Variants in NALCN observed in about 807,000 individuals in gnomAD.
NALCN encodes the protein sodium leak channel NALCN.
NALCN carries 111 observed loss-of-function variants against 225.3 expected under a neutral mutation model. That is an observed-to-expected ratio of 0.49 (90% CI 0.42 to 0.58). The LOEUF is 0.58. Among genes scored for constraint, NALCN ranks in the 20% least tolerant of loss-of-function variants. The pLI is 0.00. For synonymous variants in NALCN, 764 were observed against 769.0 expected (o/e 0.99, Z 0.11); for missense variants, 1,378 against 2,202.4 (o/e 0.63, Z 7.49).
At chr13:101,372,252 A>T (rs2046561255) in intron 6 of NALCN, among the ~76,000 whole-genome samples, 1 of 152,168 alleles carries the variant, frequency 6.6e-6, no homozygotes, top group South Asian at 2.1e-4. Context: ...ATGTCTAGAA[A>T]ATTGAATAGT....
intron 10 of NALCN, among the ~76,000 whole-genome samples, chr13:101,274,949 T>C (rs2042923054): frequency 6.6e-6 from 1 of 152,024 alleles, no homozygotes; most frequent in African/African-American, 2.4e-5. Context: ...GGTGGTTGAG[T>C]AGTGGTTCCA....
At chr13:101,404,978 A>G (rs1355367543) in intron 1 of NALCN, among the ~76,000 whole-genome samples, 2 of 152,232 alleles carry the variant, frequency 1.3e-5, no homozygotes, top group Non-Finnish European at 2.9e-5. Flanking sequence ...TATTTTGAAG[A>G]CACATGTATT....
intron 7 of NALCN, among the ~76,000 whole-genome samples, chr13:101,341,971 C>A (rs562321300): frequency 6.6e-6 from 1 of 152,308 alleles, no homozygotes; most frequent in African/African-American, 2.4e-5. Flanking sequence ...TTCTATGAAC[C>A]AGGAAGTGAG....
chr13:101,214,504 T>G (rs1480702383), intron 13 of NALCN, among the ~76,000 whole-genome samples: 1 of 151,972 alleles, frequency 6.6e-6, no homozygotes, highest in East Asian at 1.9e-4. Flanking sequence ...TCTCAAAAAT[T>G]TATTAGTGAA....
At chr13:101,297,270 A>G (rs2043791442) in intron 7 of NALCN, among the ~76,000 whole-genome samples, 1 of 152,212 alleles carries the variant, frequency 6.6e-6, no homozygotes, top group Admixed American at 6.5e-5. Flanking sequence ...TACTATTCTA[A>G]CAATGGTAAT....
At chr13:101,067,152 A>C (rs571063411) in intron 39 of NALCN, among the ~76,000 whole-genome samples, 1 of 149,924 alleles carries the variant, frequency 6.7e-6, no homozygotes. Flanking sequence ...GGAAGAGAGA[A>C]GAGGAGAGGG....
At position 101,227,481 on chromosome 13, in the gene NALCN, G is replaced by A. The variant is rs750684909; in HGVS notation, c.1626+1912C>T. Among the ~76,000 whole-genome samples the A allele has an allele frequency of 3.9e-5, 6 of 152,240 alleles. No homozygotes were observed. In the South Asian group the frequency reaches 6.2e-4, roughly 16 times the overall value. Reference sequence around the variant, plus strand: ...AACATCTGAGTCCCCATCTCCTCCCGTGGAACACTGGCTATACACAGGGAA... The same window carrying A: ...AACATCTGAGTCCCCATCTCCTCCCATGGAACACTGGCTATACACAGGGAA... On this transcript the variant is annotated intron_variant, in intron 13 of 43. Coordinates refer to ENST00000251127, the MANE Select transcript of NALCN (RefSeq NM_052867.4).
At chr13:101,374,387 T>C (rs996108554) in intron 6 of NALCN, among the ~76,000 whole-genome samples, 3 of 151,518 alleles carry the variant, frequency 2.0e-5, no homozygotes, top group African/African-American at 7.3e-5. Context: ...GCAATTCTCT[T>C]GTCTCAGCCT....
Position 101,246,144 on chromosome 13 carries a change from C to T in NALCN, c.1267-8222G>A, listed in dbSNP as rs140078080. ...GTTTTGTCCAGTTCTTTATTCAAAA[C>T]GTCAAGAACCTGGACAACTTGCAGT... On this transcript the variant is annotated intron_variant, in intron 11 of 43. Transcript: ENST00000251127. 7.5e-3 allele frequency among the ~76,000 whole-genome samples: 1,135 copies of T among 152,206 alleles called. 13 individuals are homozygous for T. Among genetic ancestry groups the T allele is most frequent in the African/African-American group, 0.026 (1,070 of 41,538 alleles).
intron 3 of NALCN, among the ~76,000 whole-genome samples, chr13:101,382,009 A>G (rs567474122): frequency 6.6e-6 from 1 of 152,316 alleles, no homozygotes; most frequent in South Asian, 2.1e-4. Flanking sequence ...GAATGAGTAC[A>G]TATTAGGCAG....
At chr13:101,283,589 G>C (rs1240750544) in intron 10 of NALCN, among the ~76,000 whole-genome samples, 1 of 152,090 alleles carries the variant, frequency 6.6e-6, no homozygotes, top group Non-Finnish European at 1.5e-5. Flanking sequence ...CAGTTACTCG[G>C]GGAGGTATGA....
intron 10 of NALCN, among the ~76,000 whole-genome samples, chr13:101,274,867 C>A (rs1171516559): frequency 6.6e-6 from 1 of 152,092 alleles, no homozygotes; most frequent in Non-Finnish European, 1.5e-5. Flanking sequence ...GTAAGTACTG[C>A]AGTCAAGTCT....
At chr13:101,064,230 G>T (rs1050991404) in intron 40 of NALCN, among the ~76,000 whole-genome samples, 1 of 152,140 alleles carries the variant, frequency 6.6e-6, no homozygotes, top group African/African-American at 2.4e-5. Context: ...ACTGTGGTTT[G>T]TTGCCTACGT....
chr13:101,320,635 G>A (rs1028435621), intron 7 of NALCN, among the ~76,000 whole-genome samples: 5 of 152,048 alleles, frequency 3.3e-5, no homozygotes, highest in African/African-American at 7.2e-5. Context: ...TCAAGACACC[G>A]AGTATAAGGA....
Position 101,229,587 on chromosome 13 carries a change from A to C in NALCN, c.1435-3T>G. On this transcript the variant is annotated splice_region_variant and splice_polypyrimidine_tract_variant and intron_variant, in intron 12 of 43. Coordinates refer to ENST00000251127, the MANE Select transcript of NALCN (RefSeq NM_052867.4). Reference sequence around the variant, plus strand: ...ATCAGCCGAACTACTCGGAGAACCTATCAAGGGAGAGAGAAACATTTATTT... The same window carrying C: ...ATCAGCCGAACTACTCGGAGAACCTCTCAAGGGAGAGAGAAACATTTATTT... 1 of 1,554,458 alleles carries C rather than the reference A, an allele frequency of 6.4e-7. No individual in the cohort carries two copies. The highest frequency in any genetic ancestry group is 1.2e-5 in the South Asian group (1 of 80,354).
At chr13:101,214,286 G>A (rs1414793455) in intron 13 of NALCN, among the ~76,000 whole-genome samples, 4 of 150,176 alleles carry the variant, frequency 2.7e-5, no homozygotes, top group Non-Finnish European at 5.9e-5. Flanking sequence ...CACACTCCAG[G>A]GCCTGTCATG....
At chr13:101,415,819 C>T (rs2047927736) in intron 1 of NALCN, among the ~76,000 whole-genome samples, 1 of 152,020 alleles carries the variant, frequency 6.6e-6, no homozygotes, top group African/African-American at 2.4e-5. Flanking sequence ...CCCACCTCCC[C>T]ACCCGCGCGT....
intron 11 of NALCN, among the ~76,000 whole-genome samples, chr13:101,246,547 G>T (rs1363163085): frequency 6.6e-6 from 1 of 152,116 alleles, no homozygotes; most frequent in African/African-American, 2.4e-5. Flanking sequence ...GTTATAAAGA[G>T]CAAATTTTGA....
At chr13:101,300,256 TC>T (rs2043904643) in intron 7 of NALCN, among the ~76,000 whole-genome samples, 1 of 152,138 alleles carries the variant, frequency 6.6e-6, no homozygotes, top group African/African-American at 2.4e-5. Flanking sequence ...GAATAAAACC[TC>T]TGTAAACCAT....
Sources: gnomAD v4.1 joint callset for allele counts (sites outside exome capture counted in the v4.1 genomes callset) on GRCh38, gnomAD v4.1.1 for gene constraint, MANE v1.5 for transcripts, NCBI Gene and HGNC (gene_info 2026-07-23, HGNC 2026-07-21) for gene names.